PDE3B: variants seen among roughly 807,000 people sequenced by gnomAD.
The protein encoded by PDE3B is cGMP-inhibited 3',5'-cyclic phosphodiesterase 3B.
In PDE3B, 66 loss-of-function variants were observed where a neutral mutation model predicts 116.8. That is an observed-to-expected ratio of 0.56 (90% CI 0.46 to 0.69). The LOEUF (loss-of-function observed/expected upper bound fraction) is 0.69. Among genes scored for constraint, PDE3B ranks in the 30% least tolerant of loss-of-function variants. The pLI, the probability that PDE3B is intolerant of heterozygous loss-of-function variation, is 0.00. For synonymous variants in PDE3B, 595 were observed against 533.6 expected (o/e 1.12, Z -1.59); for missense variants, 1,384 against 1,368.1 (o/e 1.01, Z -0.18).
chr11:14,683,797 A>G (rs2133797314), intron 1 of PDE3B, among the ~76,000 whole-genome samples: 1 of 152,258 alleles, frequency 6.6e-6, no homozygotes, highest in Middle Eastern at 3.4e-3. Context: ...TTCTAATATA[A>G]GCATTAGCTT....
At chr11:14,829,565 A>G (rs1859806022) in intron 7 of PDE3B, among the ~76,000 whole-genome samples, 1 of 152,144 alleles carries the variant, frequency 6.6e-6, no homozygotes, top group Non-Finnish European at 1.5e-5. Context: ...TTGCAGAGAC[A>G]TGGATGGAGC....
intron 1 of PDE3B, among the ~76,000 whole-genome samples, chr11:14,660,051 T>A (rs1853843607): frequency 6.6e-6 from 1 of 152,162 alleles, no homozygotes; most frequent in Non-Finnish European, 1.5e-5. Context: ...AACAATACCC[T>A]GAAGGCATAA....
At chr11:14,709,117 G>C (rs1855621244) in intron 1 of PDE3B, among the ~76,000 whole-genome samples, 1 of 152,020 alleles carries the variant, frequency 6.6e-6, no homozygotes, top group South Asian at 2.1e-4. Flanking sequence ...TCTAGAGGTA[G>C]AAAAGATTAG....
At chr11:14,672,694 G>A (rs1341330546) in intron 1 of PDE3B, among the ~76,000 whole-genome samples, 1 of 152,048 alleles carries the variant, frequency 6.6e-6, no homozygotes, top group East Asian at 1.9e-4. Flanking sequence ...TAATCTGCAC[G>A]GTCAAGCTAG....
intron 12 of PDE3B, among the ~76,000 whole-genome samples, chr11:14,857,255 G>A (rs1459098247): frequency 6.6e-6 from 1 of 152,202 alleles, no homozygotes; most frequent in Non-Finnish European, 1.5e-5. Flanking sequence ...AGCTCCAAAT[G>A]AGCTGGGACC....
At chr11:14,850,863 C>G (rs1045192008) in intron 12 of PDE3B, among the ~76,000 whole-genome samples, 11 of 152,050 alleles carry the variant, frequency 7.2e-5, no homozygotes, top group Non-Finnish European at 1.0e-4. Context: ...GAGTCCTGCT[C>G]TGTCACCCAG....
At chr11:14,778,515 G>T (rs1474555403) in intron 2 of PDE3B, among the ~76,000 whole-genome samples, 2 of 152,192 alleles carry the variant, frequency 1.3e-5, no homozygotes, top group Non-Finnish European at 2.9e-5. Context: ...TGCAATATTT[G>T]CAGTTCTGCA....
intron 4 of PDE3B, among the ~76,000 whole-genome samples, chr11:14,790,827 A>G (rs1236518529): frequency 1.3e-5 from 2 of 152,112 alleles, no homozygotes; most frequent in Admixed American, 6.6e-5. Flanking sequence ...ATAAATGTCT[A>G]TGTGTACTTT....
chr11:14,696,279 C>T (rs1331380978), intron 1 of PDE3B, among the ~76,000 whole-genome samples: 4 of 152,062 alleles, frequency 2.6e-5, no homozygotes, highest in African/African-American at 7.2e-5. Flanking sequence ...AGCTGTTTTT[C>T]GTATGTCTGT....
chr11:14,836,765 G>T (rs1209303695), intron 11 of PDE3B, among the ~76,000 whole-genome samples: 2 of 152,076 alleles, frequency 1.3e-5, no homozygotes, highest in South Asian at 2.1e-4. Flanking sequence ...TTGTTTCCTT[G>T]CCTCCTCCAA....
At chr11:14,830,548 G>C (rs1220377341) in intron 7 of PDE3B, 150 bp from the exon 8 acceptor site, 5 of 384,652 alleles carry the variant, frequency 1.3e-5, no homozygotes, top group Non-Finnish European at 2.3e-5. Flanking sequence ...AGCACAGGAA[G>C]ATACAACTTA....
intron 1 of PDE3B, among the ~76,000 whole-genome samples, chr11:14,762,632 C>A (rs565014144): frequency 1.3e-5 from 2 of 152,136 alleles, no homozygotes; most frequent in Non-Finnish European, 2.9e-5. Flanking sequence ...GGTTGCTTTG[C>A]TCTGTTGAGA....
At chr11:14,882,107 G>A in the PDE3B span, among the ~76,000 whole-genome samples, 1 of 152,026 alleles carries the variant, frequency 6.6e-6, no homozygotes, top group Non-Finnish European at 1.5e-5. Context: ...TATACTCCCA[G>A]ATGACTATTC....
intron 6 of PDE3B, 25 bp downstream of exon 6, chr11:14,818,418 TTC>T (rs764040434): frequency 6.7e-7 from 1 of 1,496,086 alleles, no homozygotes; most frequent in South Asian, 1.1e-5. Context: ...TGTTTATTAT[TTC>T]TGTTTCAAAA....
chr11:14,762,468 C>T (rs1034065293), intron 1 of PDE3B, among the ~76,000 whole-genome samples: 2 of 152,096 alleles, frequency 1.3e-5, no homozygotes, highest in African/African-American at 4.8e-5. Flanking sequence ...CTGGCCTGTT[C>T]AAGGAATAGT....
chr11:14,758,117 T>C (rs1857248926), intron 1 of PDE3B, among the ~76,000 whole-genome samples: 1 of 152,192 alleles, frequency 6.6e-6, no homozygotes, highest in African/African-American at 2.4e-5. Flanking sequence ...TAGTTGTAGA[T>C]ATGTGGCGTT....
chr11:14,892,091 A>G, the PDE3B span: 4 of 1,611,740 alleles, frequency 2.5e-6, no homozygotes, highest in Non-Finnish European at 3.4e-6. Context: ...CCCGGGGGGA[A>G]GCCCATCGGC....
intron 1 of PDE3B, among the ~76,000 whole-genome samples, chr11:14,715,545 G>A (rs991820094): frequency 2.6e-4 from 40 of 152,152 alleles, no homozygotes; most frequent in Non-Finnish European, 4.4e-5. Context: ...GTTCACTCAT[G>A]ATTTGGCTCT....
chr11:14,760,293 T>C (rs1311188101), intron 1 of PDE3B, among the ~76,000 whole-genome samples: 1 of 152,198 alleles, frequency 6.6e-6, no homozygotes, highest in Non-Finnish European at 1.5e-5. Context: ...ATAACCAAAA[T>C]TTCAAATTTA....
Sources: gnomAD v4.1 joint callset for allele counts (sites outside exome capture counted in the v4.1 genomes callset) on GRCh38, gnomAD v4.1.1 for gene constraint, MANE v1.5 for transcripts, NCBI Gene and HGNC (gene_info 2026-07-23, HGNC 2026-07-21) for gene names.